The following SPOCK1 variants were observed in gnomAD, a reference collection of about 807,000 sequenced individuals.
SPOCK1 encodes the protein testican-1.
Under a neutral mutation model 55.3 loss-of-function variants are expected in SPOCK1, and 23 were observed. The ratio of observed to expected loss-of-function variants is 0.42; its 90% CI spans 0.30 to 0.59. The LOEUF (loss-of-function observed/expected upper bound fraction) is 0.59. SPOCK1 is among the 20% of genes least tolerant of loss of function. The pLI, the probability that SPOCK1 is intolerant of heterozygous loss-of-function variation, is 0.22. For missense variants in SPOCK1, 499 were observed against 552.5 expected, an observed-to-expected ratio of 0.90 and a Z score of 0.97; for synonymous variants, 226 against 221.0, an observed-to-expected ratio of 1.02 and a Z score of -0.20.
intron 2 of SPOCK1, among the ~76,000 whole-genome samples, chr5:137,409,188 G>C (rs1752160684): frequency 1.3e-5 from 2 of 152,188 alleles, no homozygotes; most frequent in African/African-American, 2.4e-5. Context: ...TCCTCAAAGG[G>C]GGTTTTCCCT....
At chr5:137,415,866 C>A (rs1240157029) in intron 2 of SPOCK1, among the ~76,000 whole-genome samples, 1 of 152,082 alleles carries the variant, frequency 6.6e-6, no homozygotes, top group Non-Finnish European at 1.5e-5. Flanking sequence ...ATCATATCTT[C>A]CTAAATATCC....
At chr5:137,351,327 A>T (rs1750674960) in intron 2 of SPOCK1, among the ~76,000 whole-genome samples, 1 of 152,236 alleles carries the variant, frequency 6.6e-6, no homozygotes, top group Non-Finnish European at 1.5e-5. Flanking sequence ...CTCCTCGTTG[A>T]TGAAATGGAA....
At chr5:137,199,026 C>A (rs1755357931) in intron 3 of SPOCK1, among the ~76,000 whole-genome samples, 1 of 152,176 alleles carries the variant, frequency 6.6e-6, no homozygotes, top group African/African-American at 2.4e-5. Flanking sequence ...AAAGACCTAC[C>A]AATGACTATC....
chr5:137,244,953 C>G (rs900530169), intron 3 of SPOCK1, among the ~76,000 whole-genome samples: 3 of 152,174 alleles, frequency 2.0e-5, no homozygotes, highest in African/African-American at 7.2e-5. Context: ...TACCAATGTC[C>G]AGGACAAAGT....
chr5:137,277,839 C>T (rs912945116), intron 2 of SPOCK1, among the ~76,000 whole-genome samples: 2 of 152,138 alleles, frequency 1.3e-5, no homozygotes, highest in East Asian at 1.9e-4. Flanking sequence ...GAATCATGGC[C>T]TTTGGCCCCA....
intron 6 of SPOCK1, among the ~76,000 whole-genome samples, chr5:137,052,298 A>G (rs936913144): frequency 4.6e-5 from 7 of 152,216 alleles, no homozygotes; most frequent in Non-Finnish European, 7.3e-5. Flanking sequence ...TAGGTTCAGG[A>G]GTGTCAGTCA....
At chr5:137,297,712 T>C (rs1757516054) in intron 2 of SPOCK1, among the ~76,000 whole-genome samples, 2 of 151,968 alleles carry the variant, frequency 1.3e-5, no homozygotes, top group African/African-American at 4.8e-5. Flanking sequence ...TGGGGAGACA[T>C]GGTAGGGCAC....
At position 137,432,644 on chromosome 5, in the gene SPOCK1, G is replaced by A. The variant is rs1752773945; in HGVS notation, c.186+65729C>T. 4.6e-5 allele frequency among the ~76,000 whole-genome samples: 7 copies of A among 152,136 alleles called. No individual in the cohort carries two copies. The South Asian group carries it at 1.0e-3, about 23-fold the overall frequency. The stretch of plus-strand genomic sequence containing the variant: ...GAACAGTGCTTCCATTATGCAAGAC[G>A]AAAAAAATTCTGGAGCTAGACAGTG... On this transcript the variant is annotated intron_variant, in intron 2 of 10. Transcript: ENST00000394945.
At chr5:137,077,348 CAG>C (rs1395548994) in intron 5 of SPOCK1, among the ~76,000 whole-genome samples, 2 of 152,170 alleles carry the variant, frequency 1.3e-5, no homozygotes, top group African/African-American at 4.8e-5. Flanking sequence ...CCTAGGAGGA[CAG>C]AGAGGAGACA....
At chr5:137,011,539 A>G (rs1409389647) in intron 6 of SPOCK1, among the ~76,000 whole-genome samples, 1 of 152,200 alleles carries the variant, frequency 6.6e-6, no homozygotes, top group Non-Finnish European at 1.5e-5. Context: ...AATTCTAGAC[A>G]TGCCTTGTGT....
chr5:137,266,772 A>G (rs1756860320), intron 3 of SPOCK1, among the ~76,000 whole-genome samples: 1 of 152,174 alleles, frequency 6.6e-6, no homozygotes. Flanking sequence ...AAACGAATCA[A>G]TGATTATATT....
chr5:137,131,579 G>T (rs1325092098), intron 4 of SPOCK1, among the ~76,000 whole-genome samples: 1 of 151,728 alleles, frequency 6.6e-6, no homozygotes, highest in Non-Finnish European at 1.5e-5. Flanking sequence ...CTGCACTCCA[G>T]CCTGGGCAAC....
intron 2 of SPOCK1, among the ~76,000 whole-genome samples, chr5:137,407,094 C>T (rs1752115394): frequency 6.6e-6 from 1 of 152,138 alleles, no homozygotes; most frequent in South Asian, 2.1e-4. Context: ...CTGAAATAAA[C>T]TCAGAAAGAA....
intron 2 of SPOCK1, among the ~76,000 whole-genome samples, chr5:137,301,006 T>G (rs1757579268): frequency 6.6e-6 from 1 of 152,198 alleles, no homozygotes; most frequent in South Asian, 2.1e-4. Context: ...TAAGACCATG[T>G]GGTCTTAATA....
At chr5:137,320,356 T>C (rs935354933) in intron 2 of SPOCK1, among the ~76,000 whole-genome samples, 2 of 151,962 alleles carry the variant, frequency 1.3e-5, no homozygotes, top group Non-Finnish European at 2.9e-5. Flanking sequence ...AGAGAACTTG[T>C]AGTATCACAC....
At chr5:137,212,562 T>C (rs1755637166) in intron 3 of SPOCK1, among the ~76,000 whole-genome samples, 2 of 152,170 alleles carry the variant, frequency 1.3e-5, no homozygotes, top group Admixed American at 1.3e-4. Flanking sequence ...ACAGCAGGAA[T>C]TGTGCATCAA....
chr5:137,263,698 T>G (rs1756795555), intron 3 of SPOCK1, among the ~76,000 whole-genome samples: 1 of 152,178 alleles, frequency 6.6e-6, no homozygotes, highest in Non-Finnish European at 1.5e-5. Flanking sequence ...TGTCCATCCT[T>G]TCTGTGAGGA....
chr5:137,198,730 T>C (rs1430009424), intron 3 of SPOCK1, among the ~76,000 whole-genome samples: 1 of 152,212 alleles, frequency 6.6e-6, no homozygotes, highest in African/African-American at 2.4e-5. Context: ...TTGATTGGCG[T>C]GTTGTTTGAT....
At chr5:137,122,241 ACACACACACACACACG>A (rs59182319) in intron 4 of SPOCK1, among the ~76,000 whole-genome samples, 6,363 of 43,532 alleles carry the variant, frequency 0.15, 450 homozygotes, top group African/African-American at 0.34. Flanking sequence ...AAGCAGTTAT[ACACACACACACACACG>A]CACACACACA....
Sources: gnomAD v4.1 joint callset for allele counts (sites outside exome capture counted in the v4.1 genomes callset) on GRCh38, gnomAD v4.1.1 for gene constraint, MANE v1.5 for transcripts, NCBI Gene and HGNC (gene_info 2026-07-23, HGNC 2026-07-21) for gene names.